SLC44A1: variants seen among roughly 807,000 people sequenced by gnomAD.
SLC44A1 encodes the protein solute carrier family 44 member 1.
In SLC44A1, 26 loss-of-function variants were observed where a neutral mutation model predicts 79.3. The ratio of observed to expected loss-of-function variants is 0.33; its 90% CI spans 0.24 to 0.46. SLC44A1 has a LOEUF of 0.46. Among genes scored for constraint, SLC44A1 ranks in the 20% least tolerant of loss-of-function variants. The probability of loss-of-function intolerance (pLI) is 1.00; values close to 1 mark genes in which losing one functional copy is unlikely to be tolerated. For missense variants in SLC44A1, 688 were observed against 798.1 expected (o/e 0.86, Z 1.66); for synonymous variants, 263 against 286.2 (o/e 0.92, Z 0.82).
intron 1 of SLC44A1, among the ~76,000 whole-genome samples, chr9:105,276,925 G>C (rs1379298261): frequency 6.6e-6 from 1 of 152,192 alleles, no homozygotes; most frequent in African/African-American, 2.4e-5. Flanking sequence ...GAGCAGAGGA[G>C]TAATAAGATC....
rs1483975596 is a variant in SLC44A1 at position 105,365,470 on chromosome 9, A to G, written c.1254-13A>G. The stretch of plus-strand genomic sequence containing the variant: ...CTTTGTTTTAATTGTCTTTTTGGTC[A>G]TTTTTTAAATAGGGATAAAAGGAAT... On this transcript the variant is annotated splice_polypyrimidine_tract_variant and intron_variant, in intron 10 of 15. Coordinates refer to ENST00000374720, the MANE Select transcript of SLC44A1 (RefSeq NM_080546.5). 1.2e-6 allele frequency: 2 copies of G among 1,604,490 alleles called. No homozygotes were observed. Among genetic ancestry groups the G allele is most frequent in the African/African-American group, 1.3e-5 (1 of 74,428 alleles).
chr9:105,352,048 T>C (rs1827465626), intron 5 of SLC44A1, among the ~76,000 whole-genome samples: 1 of 151,980 alleles, frequency 6.6e-6, no homozygotes, highest in South Asian at 2.1e-4. Flanking sequence ...ATCGCTTGAG[T>C]CTGGAAGTTC....
chr9:105,375,018 TTC>T (rs1828232199), intron 13 of SLC44A1, among the ~76,000 whole-genome samples: 1 of 152,100 alleles, frequency 6.6e-6, no homozygotes, highest in South Asian at 2.1e-4. Context: ...ATGTTTCTCT[TTC>T]TGTGTTGTTT....
chr9:105,294,154 A>G (rs976484608), intron 1 of SLC44A1, among the ~76,000 whole-genome samples: 2 of 152,222 alleles, frequency 1.3e-5, no homozygotes, highest in Non-Finnish European at 2.9e-5. Flanking sequence ...GTGTGCAAAA[A>G]AAGCCTGTAC....
intron 2 of SLC44A1, among the ~76,000 whole-genome samples, chr9:105,305,842 C>CT (rs1564426808): frequency 2.2e-5 from 3 of 134,368 alleles, no homozygotes; most frequent in African/African-American, 8.9e-5. Context: ...AAAAGTGTGT[C>CT]CTTTTTTTTT....
At position 105,397,136 on chromosome 9, in the gene SLC44A1, A is replaced by G. The variant is rs1456245920; in HGVS notation, c.*8080A>G. On this transcript the variant is annotated 3_prime_UTR_variant, in exon 16 of 16. Coordinates refer to ENST00000374720, the MANE Select transcript of SLC44A1 (RefSeq NM_080546.5). The stretch of plus-strand genomic sequence containing the variant: ...AGAGCTCTGAATTGGATGGAATTCC[A>G]TCTGGCTTCAGAGAACAATCAGCCT... 1.6e-5 allele frequency: 16 copies of G among 985,332 alleles called. No individual in the cohort carries two copies. The highest frequency in any genetic ancestry group is 1.7e-5 in the Non-Finnish European group (14 of 829,938). 61.0% of individuals were successfully genotyped at this position (985,332 alleles called of 1,614,324 possible).
At chr9:105,316,170 G>A (rs1337460849) in intron 3 of SLC44A1, among the ~76,000 whole-genome samples, 1 of 151,922 alleles carries the variant, frequency 6.6e-6, no homozygotes, top group African/African-American at 2.4e-5. Flanking sequence ...GTTTTGTGGA[G>A]ACAACAATAA....
downstream of SLC44A1, among the ~76,000 whole-genome samples, chr9:105,398,580 C>T (rs35111325): frequency 6.6e-6 from 1 of 152,086 alleles, no homozygotes; most frequent in Non-Finnish European, 1.5e-5. Flanking sequence ...CTATGGAAAG[C>T]GTACTCTGTA....
intron 15 of SLC44A1, among the ~76,000 whole-genome samples, chr9:105,387,314 C>T (rs1828660124): frequency 6.6e-6 from 1 of 151,898 alleles, no homozygotes. Flanking sequence ...AATCCCAGAG[C>T]ACAGATCACT....
intron 1 of SLC44A1, among the ~76,000 whole-genome samples, chr9:105,297,906 T>G (rs1393548374): frequency 1.3e-5 from 2 of 152,150 alleles, no homozygotes; most frequent in African/African-American, 2.4e-5. Context: ...CGGAAGCCAC[T>G]GGAGGCCTGA....
intron 7 of SLC44A1, 45 bp downstream of exon 7, chr9:105,358,478 CTT>C: frequency 1.0e-6 from 1 of 957,688 alleles, no homozygotes; most frequent in Non-Finnish European, 1.7e-6. Flanking sequence ...CTCTTAACTA[CTT>C]TGGTAGAAAA....
chr9:105,354,760 C>T (rs1827567198), intron 5 of SLC44A1, among the ~76,000 whole-genome samples: 1 of 152,130 alleles, frequency 6.6e-6, no homozygotes, highest in South Asian at 2.1e-4. Context: ...CTTTTTCTTA[C>T]CATCAATGGT....
rs371832925 is a variant in SLC44A1, at chr9:105,323,992, C to CTTTTTG, written c.270-11546_270-11541dup. Among the ~76,000 whole-genome samples the CTTTTTG allele has an allele frequency of 5.7e-4, 86 of 152,008 alleles. 1 individual carries two copies. The highest frequency in any genetic ancestry group is 1.9e-3 in the African/African-American group (78 of 41,442). On this transcript the variant is annotated intron_variant, in intron 3 of 15. Transcript: ENST00000374720. The stretch of plus-strand genomic sequence containing the variant: ...TGACTCCTGTACTTTCTCCCAAGTG[C>CTTTTTG]TTTTTGTTTTTGTTTTTGTTTTTGT...
intron 3 of SLC44A1, among the ~76,000 whole-genome samples, chr9:105,333,064 C>T (rs528722386): frequency 6.6e-6 from 1 of 152,224 alleles, no homozygotes; most frequent in South Asian, 2.1e-4. Flanking sequence ...AAGGTTGCTG[C>T]CCAGTCACTA....
rs780060821 is a variant in SLC44A1, at chr9:105,402,975, C to CTTTT, written c.1950+17495_1950+17498dup. Among the ~76,000 whole-genome samples the CTTTT allele has an allele frequency of 2.3e-3, 151 of 66,360 alleles. 3 individuals carry two copies. Among genetic ancestry groups the CTTTT allele is most frequent in the African/African-American group, 8.0e-3 (105 of 13,160 alleles). The allele number at this position is 66,360 out of a possible 152,430, so 43.5% of individuals were successfully genotyped here. A position where few individuals can be genotyped will look rare whatever the true frequency, so the allele number is the denominator to read the frequency against. ...TACAGGCATGCACCTTCACACCCAG[C>CTTTT]TTTTTTTTTTTTTTTTTTTTTTTTT... On this transcript the variant is annotated intron_variant, in intron 15 of 15. Coordinates refer to the SLC44A1 transcript ENST00000374724.
At chr9:105,320,087 T>C (rs1383280105) in intron 3 of SLC44A1, among the ~76,000 whole-genome samples, 1 of 152,192 alleles carries the variant, frequency 6.6e-6, no homozygotes, top group African/African-American at 2.4e-5. Context: ...TTTTCTAGAA[T>C]GTCATATACA....
At chr9:105,284,218 C>A (rs1483764759) in intron 1 of SLC44A1, among the ~76,000 whole-genome samples, 3 of 149,148 alleles carry the variant, frequency 2.0e-5, no homozygotes, top group Non-Finnish European at 4.4e-5. Flanking sequence ...TATTTTCTGA[C>A]AAATACAGTC....
chr9:105,311,524 C>A (rs1308104234), intron 3 of SLC44A1, among the ~76,000 whole-genome samples: 1 of 152,086 alleles, frequency 6.6e-6, no homozygotes, highest in Non-Finnish European at 1.5e-5. Context: ...TTCATCTGTT[C>A]AGTAGAGCAG....
intron 12 of SLC44A1, 104 bp downstream of exon 12, chr9:105,366,533 G>C: frequency 3.8e-6 from 2 of 521,126 alleles, no homozygotes. Context: ...TTTTCTTGTG[G>C]TATTGTACAT....
Sources: allele counts gnomAD v4.1 joint callset (sites outside exome capture counted in the v4.1 genomes callset), GRCh38; gene constraint gnomAD v4.1.1; transcripts MANE v1.5; gene names NCBI Gene and HGNC (gene_info 2026-07-23, HGNC 2026-07-21).